The following TENM3 variants were observed in gnomAD, a reference collection of about 807,000 sequenced individuals.
TENM3 encodes the protein teneurin transmembrane protein 3, also known as teneurin-3.
A neutral mutation model predicts 255.1 loss-of-function variants in TENM3; 63 were observed. The ratio of observed to expected loss-of-function variants is 0.25; its 90% confidence interval spans 0.20 to 0.30. The LOEUF is 0.30. Ranked by LOEUF, TENM3 falls within the 10% of genes least tolerant of loss-of-function variation. TENM3 has a pLI of 1.00. For missense variants in TENM3, 2,929 were observed against 3,461.1 expected (o/e 0.85, Z 3.86); for synonymous variants, 1,306 against 1,322.3 (o/e 0.99, Z 0.27).
In TENM3 at chr4:182,426,007, C is replaced by CAAAAAAAAAAAAAAAAAAAAAAAAAAAA. The variant is rs55836889; in HGVS notation, c.511+79101_511+79102insAAAAAAAAAAAAAAAAAAAAAAAAAAAA. ...TAAGAGACAGAGCGAGAGTCCATGT[C>CAAAAAAAAAAAAAAAAAAAAAAAAAAAA]AAAAAAAAAAAAAAAAAAAAAAACA... On this transcript the variant is annotated intron_variant, in intron 3 of 27. Coordinates refer to ENST00000511685, the MANE Select transcript of TENM3 (RefSeq NM_001080477.4). Among the ~76,000 whole-genome samples, 42 of 90,718 alleles carry CAAAAAAAAAAAAAAAAAAAAAAAAAAAA rather than the reference C, an allele frequency of 4.6e-4. 1 individual carries two copies. The highest frequency in any genetic ancestry group is 9.7e-4 in the African/African-American group (22 of 22,622). 59.5% of individuals were successfully genotyped at this position (90,718 alleles called of 152,430 possible).
the TENM3 span, among the ~76,000 whole-genome samples, chr4:181,637,266 C>A: frequency 6.6e-6 from 1 of 152,130 alleles, no homozygotes; most frequent in Non-Finnish European, 1.5e-5. Context: ...AAATGTATTT[C>A]TTATTTATGT....
chr4:182,697,867 C>T (rs750463259), intron 12 of TENM3: 2 of 152,134 alleles, frequency 1.3e-5, no homozygotes, highest in Non-Finnish European at 2.9e-5. Context: ...GGTGGAGGCC[C>T]TGTTTGGTTG....
chr4:181,576,163 A>G, the TENM3 span, among the ~76,000 whole-genome samples: 1 of 152,318 alleles, frequency 6.6e-6, no homozygotes, highest in South Asian at 2.1e-4. Flanking sequence ...GGCCATATGT[A>G]CACATTAATG....
the TENM3 span, among the ~76,000 whole-genome samples, chr4:181,577,201 A>ATTATATTATATAT: frequency 7.8e-6 from 1 of 127,484 alleles, no homozygotes; most frequent in Non-Finnish European, 1.6e-5. Context: ...TATATATTAT[A>ATTATATTATATAT]TATATATATT....
the TENM3 span, among the ~76,000 whole-genome samples, chr4:182,009,673 C>T: frequency 1.3e-5 from 2 of 152,144 alleles, no homozygotes; most frequent in African/African-American, 4.8e-5. Context: ...GTGCTGGCTA[C>T]TGCCCCCTCC....
chr4:181,867,125 G>A, the TENM3 span, among the ~76,000 whole-genome samples: 6 of 152,106 alleles, frequency 3.9e-5, no homozygotes, highest in East Asian at 1.9e-4. Flanking sequence ...GCCTGGACTC[G>A]TAGCTTTCTA....
chr4:182,714,977 C>T (rs1041081402), intron 13 of TENM3, among the ~76,000 whole-genome samples: 2 of 152,196 alleles, frequency 1.3e-5, no homozygotes, highest in Non-Finnish European at 2.9e-5. Flanking sequence ...CTCCACCTCC[C>T]GGGTTCAAGT....
At chr4:181,517,313 T>G in the TENM3 span, among the ~76,000 whole-genome samples, 2 of 152,194 alleles carry the variant, frequency 1.3e-5, no homozygotes, top group Non-Finnish European at 2.9e-5. Flanking sequence ...ATATGTGCAA[T>G]GTCTATTTCT....
At chr4:182,451,551 C>G (rs549796462) in intron 3 of TENM3, among the ~76,000 whole-genome samples, 5 of 152,210 alleles carry the variant, frequency 3.3e-5, no homozygotes, top group Admixed American at 2.0e-4. Flanking sequence ...AAAGGAGGCA[C>G]TGTCTAAATA....
chr4:181,607,691 C>T, the TENM3 span, among the ~76,000 whole-genome samples: 2 of 152,128 alleles, frequency 1.3e-5, no homozygotes, highest in Non-Finnish European at 2.9e-5. Context: ...GAGTGAGTCA[C>T]CGTGCCTGGC....
the TENM3 span, among the ~76,000 whole-genome samples, chr4:181,690,650 T>TAA: frequency 6.6e-6 from 1 of 150,794 alleles, no homozygotes; most frequent in Admixed American, 6.6e-5. Flanking sequence ...AGAAAGGAGA[T>TAA]AAAAAAAAAA....
intron 6 of TENM3, among the ~76,000 whole-genome samples, chr4:182,670,530 A>G (rs1375147958): frequency 6.6e-6 from 1 of 152,212 alleles, no homozygotes. Context: ...CTCTTGAAAC[A>G]GTGATTTCAT....
At chr4:182,101,181 AAGAAG>A in the TENM3 span, among the ~76,000 whole-genome samples, 1 of 105,006 alleles carries the variant, frequency 9.5e-6, no homozygotes, top group African/African-American at 3.6e-5. Flanking sequence ...GGAGGAAGGA[AAGAAG>A]GGAGGGAGGA....
chr4:181,534,895 C>T, the TENM3 span, among the ~76,000 whole-genome samples: 1 of 152,150 alleles, frequency 6.6e-6, no homozygotes, highest in Admixed American at 6.5e-5. Context: ...TTCAAAACTT[C>T]CCTCCTCTCT....
At chr4:182,080,980 C>T in the TENM3 span, among the ~76,000 whole-genome samples, 1 of 151,436 alleles carries the variant, frequency 6.6e-6, no homozygotes, top group Non-Finnish European at 1.5e-5. Flanking sequence ...GACAGAGCAA[C>T]ACCCTGTCTC....
At chr4:182,309,800 G>C (rs1225743520) in intron 1 of TENM3, among the ~76,000 whole-genome samples, 3 of 152,194 alleles carry the variant, frequency 2.0e-5, no homozygotes, top group African/African-American at 7.2e-5. Flanking sequence ...CCAGATTACT[G>C]AGATTTAAGC....
rs1752809205 is a variant in TENM3 at position 182,646,954 on chromosome 4, A to G, written c.989-6817A>G. Among the ~76,000 whole-genome samples the G allele has an allele frequency of 2.6e-5, 4 of 152,202 alleles. No homozygotes were observed. The South Asian group carries it at 8.3e-4, about 32-fold the overall frequency. On this transcript the variant is annotated intron_variant, in intron 5 of 27. Transcript: ENST00000511685. ...AAGCAAAAATTTGAAAGATATCAGAATTAAGAAACCCTTGAAAATCCTGAT... is the reference window on the plus strand; with the variant it reads ...AAGCAAAAATTTGAAAGATATCAGAGTTAAGAAACCCTTGAAAATCCTGAT...
At chr4:181,489,795 T>G in the TENM3 span, among the ~76,000 whole-genome samples, 70,468 of 152,052 alleles carry the variant, frequency 0.46, 16,817 homozygotes, top group Non-Finnish European at 0.53. Flanking sequence ...GAAAATTGTA[T>G]TTTCAGCCCA....
At chr4:182,041,981 C>T in the TENM3 span, among the ~76,000 whole-genome samples, 1 of 152,230 alleles carries the variant, frequency 6.6e-6, no homozygotes, top group East Asian at 1.9e-4. Context: ...TGAATGAGGA[C>T]ATTCGAAAGT....
Sources: gnomAD v4.1 joint callset for allele counts (sites outside exome capture counted in the v4.1 genomes callset) on GRCh38, gnomAD v4.1.1 for gene constraint, MANE v1.5 for transcripts, NCBI Gene and HGNC (gene_info 2026-07-23, HGNC 2026-07-21) for gene names.